The following TENM2 variants were observed in gnomAD, a reference collection of about 807,000 sequenced individuals.
TENM2 encodes the protein teneurin transmembrane protein 2.
Under a neutral mutation model 245.2 loss-of-function variants are expected in TENM2, and 52 were observed. That is an observed-to-expected ratio of 0.21 (90% CI 0.17 to 0.27). TENM2 has a LOEUF of 0.27. Ranked by LOEUF, TENM2 falls within the 10% of genes least tolerant of loss-of-function variation. The probability of loss-of-function intolerance (pLI) is 1.00; values close to 1 mark genes in which losing one functional copy is unlikely to be tolerated. For missense variants in TENM2, 3,046 were observed against 3,666.8 expected (o/e 0.83, Z 4.37); for synonymous variants, 1,363 against 1,438.9 (o/e 0.95, Z 1.19).
At chr5:167,054,438 A>C in the TENM2 span, among the ~76,000 whole-genome samples, 1 of 152,160 alleles carries the variant, frequency 6.6e-6, no homozygotes, top group African/African-American at 2.4e-5. Context: ...AACCCACTGA[A>C]TGATACCTTG....
intron 2 of TENM2, among the ~76,000 whole-genome samples, chr5:167,784,539 G>A (rs971131043): frequency 2.6e-5 from 4 of 152,246 alleles, no homozygotes; most frequent in African/African-American, 7.2e-5. Flanking sequence ...AGGCGTAAGC[G>A]GAAAGATAAT....
At chr5:168,262,487 A>C (rs1456374874) in exon 29 of TENM2, 1 of 1,559,422 alleles carries the variant, frequency 6.4e-7, no homozygotes, top group South Asian at 1.2e-5. Flanking sequence ...GTTCACGAAC[A>C]TTGAGTTCCA....
chr5:167,686,945 T>C (rs1757112943), intron 2 of TENM2, among the ~76,000 whole-genome samples: 1 of 152,170 alleles, frequency 6.6e-6, no homozygotes, highest in Non-Finnish European at 1.5e-5. Flanking sequence ...GGGAGGAGCA[T>C]CGTCCAAAAC....
chr5:167,858,834 G>A (rs971797353), intron 2 of TENM2, among the ~76,000 whole-genome samples: 67 of 146,426 alleles, frequency 4.6e-4, no homozygotes, highest in Middle Eastern at 3.2e-3. Context: ...GGCAGCGGCT[G>A]GAGGAGCGGA....
intron 4 of TENM2, among the ~76,000 whole-genome samples, chr5:167,978,365 C>T (rs990463889): frequency 1.3e-5 from 2 of 152,098 alleles, no homozygotes; most frequent in African/African-American, 4.8e-5. Flanking sequence ...GTGGAAACAA[C>T]CCAAACGTTC....
At chr5:167,359,613 A>G (rs939111202) in intron 1 of TENM2, among the ~76,000 whole-genome samples, 3 of 151,910 alleles carry the variant, frequency 2.0e-5, no homozygotes, top group Non-Finnish European at 4.4e-5. Context: ...TGCGATTGCT[A>G]GGGGCATCGC....
At chr5:167,795,949 G>C (rs973523799) in intron 2 of TENM2, among the ~76,000 whole-genome samples, 2 of 152,158 alleles carry the variant, frequency 1.3e-5, no homozygotes, top group African/African-American at 4.8e-5. Context: ...AATGCATTTT[G>C]TTCTTCTTCT....
the TENM2 span, among the ~76,000 whole-genome samples, chr5:167,133,790 G>A: frequency 2.6e-5 from 4 of 150,982 alleles, no homozygotes; most frequent in Admixed American, 2.6e-4. Flanking sequence ...TAATATTCCA[G>A]TGGAAGTTGT....
intron 2 of TENM2, among the ~76,000 whole-genome samples, chr5:167,670,705 C>CT (rs1755882722): frequency 6.6e-6 from 1 of 152,168 alleles, no homozygotes; most frequent in Admixed American, 6.6e-5. Flanking sequence ...TATCCTTCCA[C>CT]TTTTTTCCTT....
At chr5:167,915,178 T>C (rs1776840852) in intron 3 of TENM2, among the ~76,000 whole-genome samples, 1 of 152,028 alleles carries the variant, frequency 6.6e-6, no homozygotes, top group South Asian at 2.1e-4. Context: ...TGGATGGAGA[T>C]AGTTTTTCCC....
intron 7 of TENM2, among the ~76,000 whole-genome samples, chr5:168,076,629 T>C (rs1238033890): frequency 1.3e-5 from 2 of 152,214 alleles, no homozygotes; most frequent in Non-Finnish European, 2.9e-5. Context: ...TATCATTCAC[T>C]GCTGTATCCC....
chr5:167,810,547 C>T (rs1766558164), intron 2 of TENM2, among the ~76,000 whole-genome samples: 1 of 151,568 alleles, frequency 6.6e-6, no homozygotes, highest in Admixed American at 6.6e-5. Flanking sequence ...TGATGTTGAG[C>T]TTACAGGATT....
intron 2 of TENM2, among the ~76,000 whole-genome samples, chr5:167,572,330 C>G (rs1037619787): frequency 2.6e-5 from 4 of 152,130 alleles, no homozygotes; most frequent in African/African-American, 4.8e-5. Flanking sequence ...TGCAAGATGC[C>G]TAGGGTCCGG....
intron 9 of TENM2, among the ~76,000 whole-genome samples, chr5:168,109,926 G>A (rs1371483039): frequency 1.3e-5 from 2 of 152,012 alleles, no homozygotes. Context: ...CCAAAACGCG[G>A]CAGCTCCTGA....
At chr5:167,997,052 T>C (rs1182390943) in intron 5 of TENM2, among the ~76,000 whole-genome samples, 1 of 152,130 alleles carries the variant, frequency 6.6e-6, no homozygotes, top group Admixed American at 6.5e-5. Flanking sequence ...TTGAAGCACT[T>C]TTATACAACT....
At chr5:167,303,242 TC>T in intron 1 of TENM2, 1 of 158,176 alleles carries the variant, frequency 6.3e-6, no homozygotes, top group Non-Finnish European at 1.4e-5. Flanking sequence ...CCAAGGGAGG[TC>T]CCCCGATCCC....
chr5:167,512,901 G>A (rs779815115), intron 2 of TENM2, among the ~76,000 whole-genome samples: 4 of 152,166 alleles, frequency 2.6e-5, no homozygotes, highest in Non-Finnish European at 5.9e-5. Context: ...GGGATGATAA[G>A]AGCAATCGCA....
intron 2 of TENM2, among the ~76,000 whole-genome samples, chr5:167,770,768 C>T (rs1051873752): frequency 5.9e-5 from 9 of 152,192 alleles, no homozygotes; most frequent in Non-Finnish European, 7.4e-5. Context: ...GAAGAGTAAA[C>T]GGGATACAAC....
the TENM2 span, among the ~76,000 whole-genome samples, chr5:167,118,476 A>G: frequency 6.6e-5 from 10 of 152,252 alleles, no homozygotes; most frequent in African/African-American, 2.4e-4. Flanking sequence ...GTAATTTCAG[A>G]TAATTCTATA....
Sources: allele counts gnomAD v4.1 joint callset (sites outside exome capture counted in the v4.1 genomes callset), GRCh38; gene constraint gnomAD v4.1.1; transcripts MANE v1.5; gene names NCBI Gene and HGNC (gene_info 2026-07-23, HGNC 2026-07-21).